Variants in LRRC49 observed in about 807,000 individuals in gnomAD.
LRRC49 encodes the protein leucine-rich repeat-containing protein 49.
Under a neutral mutation model 83.3 loss-of-function variants are expected in LRRC49, and 50 were observed. The observed-to-expected ratio is 0.60, with a 90% CI of 0.48 to 0.76. The LOEUF (loss-of-function observed/expected upper bound fraction) is 0.76, where lower values mean the gene tolerates loss of function less well. Among genes scored for constraint, LRRC49 ranks in the 30% least tolerant of loss-of-function variants. LRRC49 has a pLI of 0.00. For synonymous variants in LRRC49, 286 were observed against 283.3 expected (o/e 1.01, Z -0.10); for missense variants, 704 against 809.1 (o/e 0.87, Z 1.58).
chr15:71,047,209 T>C (rs767098276), intron 15 of LRRC49, among the ~76,000 whole-genome samples: 32 of 152,336 alleles, frequency 2.1e-4, no homozygotes, highest in Non-Finnish European at 2.6e-4. Context: ...GAATTTTTTT[T>C]CTAATTCTGT....
intron 1 of LRRC49, among the ~76,000 whole-genome samples, chr15:70,866,934 C>T (rs776758251): frequency 3.3e-5 from 5 of 151,610 alleles, no homozygotes; most frequent in Non-Finnish European, 5.9e-5. Flanking sequence ...AACTCCAGAT[C>T]GACTCAAGGC....
intron 1 of LRRC49, among the ~76,000 whole-genome samples, chr15:70,870,449 G>C (rs1182168998): frequency 1.3e-5 from 2 of 152,180 alleles, no homozygotes; most frequent in Non-Finnish European, 2.9e-5. Context: ...TACACTTCAA[G>C]ACAGGACCAT....
At chr15:70,882,626 A>G (rs1567034675) in intron 2 of LRRC49, 1 of 1,613,896 alleles carries the variant, frequency 6.2e-7, no homozygotes, top group South Asian at 1.1e-5. Flanking sequence ...TCTTTTTCCA[A>G]ACGCTTTCAC....
At chr15:70,966,050 T>C (rs1418288238) in intron 9 of LRRC49, among the ~76,000 whole-genome samples, 1 of 152,146 alleles carries the variant, frequency 6.6e-6, no homozygotes, top group African/African-American at 2.4e-5. Context: ...CAGAGTCAAG[T>C]AGTTGCTATG....
At chr15:71,022,037 A>G (rs1434388381) in intron 14 of LRRC49, among the ~76,000 whole-genome samples, 3 of 152,162 alleles carry the variant, frequency 2.0e-5, no homozygotes, top group Non-Finnish European at 2.9e-5. Flanking sequence ...TAATGAATCC[A>G]CCTCAATGAT....
chr15:71,038,582 A>G (rs1362571237), intron 15 of LRRC49, among the ~76,000 whole-genome samples: 3 of 152,048 alleles, frequency 2.0e-5, no homozygotes, highest in Non-Finnish European at 4.4e-5. Context: ...ATGCAAGACT[A>G]TTTTTAATAG....
In LRRC49 at chr15:71,019,085, C is replaced by T. The variant is rs151217642; in HGVS notation, c.1703+6172C>T. On this transcript the variant is annotated intron_variant, in intron 14 of 15. Transcript: ENST00000260382. ...CAGGAACCTCCACATGTTCATCTATCCAGAAGTTCTCTGAATCTTGTCCTT... is the reference window on the plus strand; with the variant it reads ...CAGGAACCTCCACATGTTCATCTATTCAGAAGTTCTCTGAATCTTGTCCTT... Among the ~76,000 whole-genome samples the T allele has an allele frequency of 5.3e-3, 800 of 152,224 alleles. 6 individuals are homozygous for T. The highest frequency in any genetic ancestry group is 6.8e-3 in the Non-Finnish European group (460 of 68,010).
chr15:70,978,173 G>C (rs1441840639), intron 9 of LRRC49, among the ~76,000 whole-genome samples: 2 of 152,006 alleles, frequency 1.3e-5, no homozygotes, highest in Non-Finnish European at 2.9e-5. Flanking sequence ...GCATAGGCTA[G>C]ATTGTGCTGC....
At chr15:71,040,639 G>A (rs2039670643) in intron 15 of LRRC49, among the ~76,000 whole-genome samples, 1 of 151,870 alleles carries the variant, frequency 6.6e-6, no homozygotes, top group African/African-American at 2.4e-5. Context: ...CTAACACGGT[G>A]AAACCCCGTC....
At chr15:70,891,729 C>T (rs1021927599), upstream of LRRC49, 2 of 959,788 alleles carry the variant, frequency 2.1e-6, no homozygotes, top group Non-Finnish European at 3.0e-6. Context: ...CCTAACTTTG[C>T]AGATTAGAAA....
At chr15:71,022,968 TG>T (rs1187824465) in intron 14 of LRRC49, among the ~76,000 whole-genome samples, 1 of 152,214 alleles carries the variant, frequency 6.6e-6, no homozygotes, top group African/African-American at 2.4e-5. Flanking sequence ...CTATTCAAAA[TG>T]TGGTCAATCT....
At chr15:70,992,906 G>C (rs2037939230) in intron 11 of LRRC49, among the ~76,000 whole-genome samples, 1 of 152,166 alleles carries the variant, frequency 6.6e-6, no homozygotes, top group South Asian at 2.1e-4. Flanking sequence ...ACTCTTCAAA[G>C]CTGTCAGACA....
chr15:70,960,475 C>A (rs1260178559), intron 8 of LRRC49, among the ~76,000 whole-genome samples: 3 of 152,184 alleles, frequency 2.0e-5, no homozygotes, highest in African/African-American at 4.8e-5. Context: ...AAACGTGTAT[C>A]ATTCATGTAG....
At chr15:71,015,635 A>G (rs537793172) in intron 14 of LRRC49, among the ~76,000 whole-genome samples, 1 of 152,344 alleles carries the variant, frequency 6.6e-6, no homozygotes, top group Admixed American at 6.5e-5. Context: ...GCTGTGGACT[A>G]GGGCTCGGGA....
chr15:70,873,739 G>A (rs534422283), intron 2 of LRRC49, among the ~76,000 whole-genome samples: 129 of 152,276 alleles, frequency 8.5e-4, no homozygotes, highest in African/African-American at 3.0e-3. Flanking sequence ...TCCAAACACA[G>A]CAAGAGGACA....
At chr15:70,859,442 G>A in intron 1 of LRRC49, 1 of 728,110 alleles carries the variant, frequency 1.4e-6, no homozygotes, top group South Asian at 1.4e-5. Context: ...GGACATATCT[G>A]TGGTGCTGTC....
chr15:70,979,090 G>A (rs531647007), intron 9 of LRRC49, among the ~76,000 whole-genome samples: 1 of 151,894 alleles, frequency 6.6e-6, no homozygotes, highest in South Asian at 2.1e-4. Context: ...CAAATCTTTT[G>A]GTAATGAAAA....
chr15:70,934,821 G>A (rs2035541598), intron 7 of LRRC49, among the ~76,000 whole-genome samples: 1 of 152,142 alleles, frequency 6.6e-6, no homozygotes, highest in Non-Finnish European at 1.5e-5. Flanking sequence ...CAGGTTGAGT[G>A]CCAATAACAA....
chr15:70,887,767 A>G (rs2033449420), upstream of LRRC49, among the ~76,000 whole-genome samples: 1 of 152,194 alleles, frequency 6.6e-6, no homozygotes, highest in African/African-American at 2.4e-5. Flanking sequence ...AATACGAAAT[A>G]AAAACACGAA....
Sources: allele counts gnomAD v4.1 joint callset (sites outside exome capture counted in the v4.1 genomes callset), GRCh38; gene constraint gnomAD v4.1.1; transcripts MANE v1.5; gene names NCBI Gene and HGNC (gene_info 2026-07-23, HGNC 2026-07-21).